The following SYNPO variants were observed in gnomAD, a reference collection of about 807,000 sequenced individuals.
SYNPO encodes the protein synaptopodin.
SYNPO carries 19 observed loss-of-function variants against 49.5 expected under a neutral mutation model. That is an observed-to-expected ratio of 0.38 (90% confidence interval 0.27 to 0.56). The LOEUF (loss-of-function observed/expected upper bound fraction) is 0.56. SYNPO is among the 20% of genes least tolerant of loss of function. The pLI, the probability that SYNPO is intolerant of heterozygous loss-of-function variation, is 0.68. For missense variants in SYNPO, 1,131 were observed against 1,248.3 expected (o/e 0.91, Z 1.42); for synonymous variants, 536 against 548.0 (o/e 0.98, Z 0.31).
At chr5:150,647,756 C>A (rs751899594) in intron 1 of SYNPO, among the ~76,000 whole-genome samples, 188 bp from the exon 2 acceptor site, 3 of 152,100 alleles carry the variant, frequency 2.0e-5, no homozygotes, top group Admixed American at 6.5e-5. Flanking sequence ...TTGAGTTGGG[C>A]CATGAAAGGT....
chr5:150,613,394 G>A (rs1028869184), intron 1 of SYNPO, among the ~76,000 whole-genome samples: 3 of 152,120 alleles, frequency 2.0e-5, no homozygotes, highest in African/African-American at 4.8e-5. Context: ...AGCCCGCCTC[G>A]TTCTTCAGAG....
At chr5:150,635,797 A>T (rs1364654475), upstream of SYNPO, among the ~76,000 whole-genome samples, 1 of 151,996 alleles carries the variant, frequency 6.6e-6, no homozygotes, top group African/African-American at 2.4e-5. Context: ...CCTCCACATT[A>T]TGTCTATCAT....
At chr5:150,631,129 A>G (rs1382590008) in intron 2 of SYNPO, among the ~76,000 whole-genome samples, 1 of 152,170 alleles carries the variant, frequency 6.6e-6, no homozygotes, top group Non-Finnish European at 1.5e-5. Flanking sequence ...GCAGTGTTTC[A>G]TGCATTTGCT....
chr5:150,587,199 G>T, the SYNPO span, among the ~76,000 whole-genome samples: 1 of 152,036 alleles, frequency 6.6e-6, no homozygotes, highest in Non-Finnish European at 1.5e-5. Context: ...TGGATGGATG[G>T]ATGGATGGAT....
Position 150,648,121 on chromosome 5 carries a change from G to C in SYNPO, c.-155G>C, listed in dbSNP as rs774450966. 1.4e-5 allele frequency: 21 copies of C among 1,552,074 alleles called. No homozygotes were observed. Among genetic ancestry groups the C allele is most frequent in the Non-Finnish European group, 1.8e-5 (21 of 1,147,122 alleles). On this transcript the variant is annotated 5_prime_UTR_variant, in exon 2 of 3. Transcript: ENST00000307662. This position sits in a 1 kb window ranked among gnomAD's most constrained non-coding sequence, Gnocchi z 5.0. The stretch of plus-strand genomic sequence containing the variant: ...ACCTTGGAGAGCCACGGCCAGAGGG[G>C]ACAGAAGCCCAGCCAGGAGTCCCTC...
intron 2 of SYNPO, chr5:150,651,734 C>T: frequency 2.0e-6 from 2 of 1,000,502 alleles, no homozygotes; most frequent in Non-Finnish European, 2.4e-6. Context: ...GACTTGAGAC[C>T]TGGATTCTAA....
upstream of SYNPO, among the ~76,000 whole-genome samples, chr5:150,637,251 G>A (rs1010890095): frequency 5.9e-5 from 9 of 152,106 alleles, no homozygotes; most frequent in African/African-American, 7.2e-5. Context: ...GTGAGGGGCC[G>A]GCTGGAAACC....
chr5:150,649,997 C>G lies in SYNPO; in HGVS notation c.1722C>G (p.Leu574=), dbSNP rs1486556860. The change falls in exon 2 of 3, where the codon CTC becomes CTG. Residue 574 remains leucine (L), a synonymous_variant. Coordinates refer to ENST00000307662, the MANE Select transcript of SYNPO (RefSeq NM_007286.6). The part of the protein sequence containing the change: ...PYQLRPSLFV[L]SPIKEPAKVS... ...AGCTGCGCCCCTCGCTCTTTGTCCT[C>G]TCACCTATCAAGGAGCCTGCCAAGG... 6.2e-7 allele frequency: 1 copy of G among 1,612,740 alleles called. No individual in the cohort carries two copies. Among genetic ancestry groups the G allele is most frequent in the East Asian group, 2.2e-5 (1 of 44,874 alleles).
At position 150,630,802 on chromosome 5, in the gene SYNPO, C is replaced by A. The variant is rs61524800; in HGVS notation, c.400+12035C>A. 6.7e-3 allele frequency among the ~76,000 whole-genome samples: 1,023 copies of A among 152,304 alleles called. 11 individuals carry two copies. The highest frequency in any genetic ancestry group is 0.024 in the African/African-American group (977 of 41,574). On this transcript the variant is annotated intron_variant, in intron 2 of 2. Transcript: ENST00000394243. ...CTGAAGCTCAGCTGTGGACTTTAAG[C>A]TGTGCCAGGGGTGTCTGGCATCCCC...
At chr5:150,620,955 CTT>C (rs869310732) in intron 2 of SYNPO, among the ~76,000 whole-genome samples, 2 of 71,168 alleles carry the variant, frequency 2.8e-5, no homozygotes, top group African/African-American at 1.1e-4. Context: ...CTTTTCTTTT[CTT>C]TTTTTTTTTT....
intron 2 of SYNPO, among the ~76,000 whole-genome samples, chr5:150,630,062 G>C (rs1371448423): frequency 1.3e-5 from 2 of 152,126 alleles, no homozygotes; most frequent in Non-Finnish European, 2.9e-5. Flanking sequence ...AGCCTCACTG[G>C]GTCTAGGGTC....
chr5:150,613,878 C>A (rs1336036095), intron 1 of SYNPO, among the ~76,000 whole-genome samples: 1 of 152,228 alleles, frequency 6.6e-6, no homozygotes, highest in African/African-American at 2.4e-5. Context: ...TAATGCTCAG[C>A]ACCCCTCACT....
chr5:150,592,582 G>A, the SYNPO span, among the ~76,000 whole-genome samples: 3 of 152,232 alleles, frequency 2.0e-5, no homozygotes, highest in Non-Finnish European at 4.4e-5. Context: ...AATTCTGACG[G>A]CTCCATGCAG....
intron 1 of SYNPO, among the ~76,000 whole-genome samples, chr5:150,641,092 C>T (rs1757887750): frequency 6.6e-6 from 1 of 152,202 alleles, no homozygotes; most frequent in Admixed American, 6.5e-5. Flanking sequence ...GTTCTCCTCC[C>T]AAGAGGAGGT....
At chr5:150,590,273 G>A in the SYNPO span, among the ~76,000 whole-genome samples, 2 of 152,216 alleles carry the variant, frequency 1.3e-5, no homozygotes, top group Non-Finnish European at 2.9e-5. Flanking sequence ...TCCCCTACGT[G>A]CTCCCCTGGC....
At position 150,649,016 on chromosome 5, in the gene SYNPO, G is replaced by A. The variant is rs150372498; in HGVS notation, c.741G>A (p.Ala247=). The change falls in exon 2 of 3, where the codon GCG becomes GCA. Residue 247 remains alanine (A), a synonymous_variant. Transcript: ENST00000307662. The part of the protein sequence containing the change: ...NRTARPFGIQ[A]PGGTSQMERS... The stretch of plus-strand genomic sequence containing the variant: ...CGGCCAGGCCTTTTGGGATCCAGGC[G>A]CCAGGGGGCACCAGCCAGATGGAGA... 2.0e-4 allele frequency: 316 copies of A among 1,614,218 alleles called. 1 individual carries two copies. Among genetic ancestry groups the A allele is most frequent in the Middle Eastern group, 3.3e-4 (2 of 6,062 alleles).
the SYNPO span, among the ~76,000 whole-genome samples, chr5:150,590,316 G>A: frequency 0.018 from 2,673 of 152,306 alleles, 87 homozygotes; most frequent in African/African-American, 0.061. Flanking sequence ...GGCCCCTGGA[G>A]GGGGAGAGAG....
At chr5:150,609,071 A>G (rs1194462277) in intron 1 of SYNPO, among the ~76,000 whole-genome samples, 2 of 152,170 alleles carry the variant, frequency 1.3e-5, no homozygotes, top group African/African-American at 2.4e-5. Flanking sequence ...TCTCTGGAGA[A>G]AAAAAAGCTT....
chr5:150,648,874 C>A lies in SYNPO; in HGVS notation c.599C>A (p.Thr200Asn). The A allele has an allele frequency of 6.2e-7, 1 of 1,614,232 alleles. No homozygotes were observed. Among genetic ancestry groups the A allele is most frequent in the African/African-American group, 1.3e-5 (1 of 75,058 alleles). The change falls in exon 2 of 3, where the codon ACC (threonine) becomes AAC (asparagine). Residue 200 changes from threonine (T) to asparagine (N), a missense_variant. By Grantham distance (65) the Thr-to-Asn change is moderately conservative (BLOSUM62 0). Around this residue, in one of 4 missense-constraint regions of SYNPO, gnomAD observed 602 missense variants for 720.7 expected, o/e 0.84. Coordinates refer to ENST00000307662, the MANE Select transcript of SYNPO (RefSeq NM_007286.6). This position sits in a 1 kb window ranked among gnomAD's most constrained non-coding sequence, Gnocchi z 5.0. ...SSLLIDIQPN[T>N]LVVSADQEMS... The stretch of plus-strand genomic sequence containing the variant: ...CTGCTCATTGACATCCAGCCCAACA[C>A]CCTAGTGGTGTCAGCAGATCAAGAG...
Sources: gnomAD v4.1 joint callset for allele counts (sites outside exome capture counted in the v4.1 genomes callset) on GRCh38, gnomAD v4.1.1 for gene constraint, gnomAD v4.1.1 regional missense constraint, Gnocchi (gnomAD v3.1) non-coding constraint, MANE v1.5 for transcripts, NCBI Gene and HGNC (gene_info 2026-07-23, HGNC 2026-07-21) for gene names.